AFG2A: variants seen among roughly 807,000 people sequenced by gnomAD.
AFG2A encodes the protein ATPase family gene 2 protein homolog A.
the AFG2A span, chr4:123,090,819 TGAA>T: frequency 7.0e-7 from 1 of 1,431,466 alleles, no homozygotes; most frequent in South Asian, 1.4e-5. Context: ...TAGAGGATAT[TGAA>T]GAATGTAAAG....
the AFG2A span, among the ~76,000 whole-genome samples, chr4:123,033,854 T>C: frequency 3.9e-5 from 6 of 152,138 alleles, no homozygotes; most frequent in African/African-American, 1.4e-4. Context: ...TTGGGGAGCA[T>C]TATGCTTAAA....
At chr4:123,174,968 A>G in the AFG2A span, among the ~76,000 whole-genome samples, 2 of 151,978 alleles carry the variant, frequency 1.3e-5, no homozygotes, top group Non-Finnish European at 2.9e-5. Flanking sequence ...GGTAGCTGGG[A>G]CAACAGCTGC....
At chr4:123,234,470 C>G in the AFG2A span, among the ~76,000 whole-genome samples, 1 of 151,982 alleles carries the variant, frequency 6.6e-6, no homozygotes, top group Non-Finnish European at 1.5e-5. Context: ...ATAACATTAC[C>G]ATTTTAAACA....
the AFG2A span, among the ~76,000 whole-genome samples, chr4:122,989,510 A>T: frequency 6.6e-6 from 1 of 152,086 alleles, no homozygotes; most frequent in South Asian, 2.1e-4. Flanking sequence ...CATGGATGCC[A>T]CCTGGCACTG....
At chr4:123,061,425 C>T in the AFG2A span, among the ~76,000 whole-genome samples, 1 of 152,176 alleles carries the variant, frequency 6.6e-6, no homozygotes, top group South Asian at 2.1e-4. Flanking sequence ...GCTGGGGAGC[C>T]TCACAATCAT....
chr4:123,049,094 T>G, the AFG2A span, among the ~76,000 whole-genome samples: 300 of 152,256 alleles, frequency 2.0e-3, no homozygotes, highest in African/African-American at 5.9e-3. Context: ...TTTTACCCAG[T>G]TTTTTCAGCA....
At chr4:122,942,347 C>T in the AFG2A span, among the ~76,000 whole-genome samples, 2 of 150,888 alleles carry the variant, frequency 1.3e-5, no homozygotes, top group Admixed American at 6.6e-5. Flanking sequence ...CAACTTCTTC[C>T]TGGTTTAGTC....
the AFG2A span, among the ~76,000 whole-genome samples, chr4:123,073,614 G>A: frequency 3.2e-4 from 49 of 152,144 alleles, no homozygotes; most frequent in Middle Eastern, 3.4e-3. Flanking sequence ...CTCTCAGGTG[G>A]TTGTACTCAT....
At chr4:123,190,546 A>G in the AFG2A span, among the ~76,000 whole-genome samples, 5 of 152,214 alleles carry the variant, frequency 3.3e-5, no homozygotes, top group Admixed American at 2.6e-4. Context: ...AGAATGAGAA[A>G]GGCCTGAAGG....
the AFG2A span, among the ~76,000 whole-genome samples, chr4:123,208,961 A>G: frequency 3.3e-5 from 5 of 152,334 alleles, no homozygotes; most frequent in Non-Finnish European, 5.9e-5. Flanking sequence ...AGGCATGATT[A>G]TAGGACTGGG....
chr4:123,289,380 T>C, the AFG2A span, among the ~76,000 whole-genome samples: 6 of 152,326 alleles, frequency 3.9e-5, no homozygotes, highest in East Asian at 3.9e-4. Flanking sequence ...TATTCCATGG[T>C]ATATATACCA....
At chr4:122,971,679 A>AT in the AFG2A span, among the ~76,000 whole-genome samples, 1 of 152,044 alleles carries the variant, frequency 6.6e-6, no homozygotes, top group South Asian at 2.1e-4. Context: ...AATATTAAGA[A>AT]TTTTTTTTGT....
chr4:123,252,966 T>C, the AFG2A span, among the ~76,000 whole-genome samples: 1 of 152,228 alleles, frequency 6.6e-6, no homozygotes, highest in African/African-American at 2.4e-5. Context: ...TATTGTTGAG[T>C]AGTATTCCAT....
chr4:123,191,359 C>G, the AFG2A span, among the ~76,000 whole-genome samples: 3 of 90,854 alleles, frequency 3.3e-5, no homozygotes, highest in Non-Finnish European at 2.6e-5. Flanking sequence ...CCACTCTGGA[C>G]TCTTTTTTTT....
chr4:123,226,179 T>C, the AFG2A span, among the ~76,000 whole-genome samples: 8 of 152,338 alleles, frequency 5.3e-5, 1 homozygote, highest in Non-Finnish European at 1.0e-4. Flanking sequence ...TGACTTCCTC[T>C]TTTCCTAATT....
the AFG2A span, among the ~76,000 whole-genome samples, chr4:123,005,826 G>T: frequency 6.6e-6 from 1 of 151,926 alleles, no homozygotes; most frequent in Non-Finnish European, 1.5e-5. Context: ...TTCCCCTCCT[G>T]GCCTTTGTGC....
the AFG2A span, among the ~76,000 whole-genome samples, chr4:123,059,824 T>A: frequency 6.6e-6 from 1 of 152,082 alleles, no homozygotes; most frequent in Non-Finnish European, 1.5e-5. Flanking sequence ...TGTTGTTTCC[T>A]GACTTTTTAA....
the AFG2A span, among the ~76,000 whole-genome samples, chr4:122,981,595 C>T: frequency 2.6e-5 from 4 of 151,086 alleles, no homozygotes; most frequent in Non-Finnish European, 5.9e-5. Flanking sequence ...TACATTAAAT[C>T]TGTAGACAAT....
chr4:123,249,033 C>T, the AFG2A span, among the ~76,000 whole-genome samples: 1 of 152,178 alleles, frequency 6.6e-6, no homozygotes, highest in Non-Finnish European at 1.5e-5. Context: ...TGTCCAAACA[C>T]ACAGCTAATA....
Sources: allele counts gnomAD v4.1 joint callset (sites outside exome capture counted in the v4.1 genomes callset), GRCh38; gene constraint gnomAD v4.1.1; transcripts MANE v1.5; gene names NCBI Gene and HGNC (gene_info 2026-07-23, HGNC 2026-07-21).